GRM8: variants seen among roughly 807,000 people sequenced by gnomAD.
GRM8 encodes the protein glutamate metabotropic receptor 8.
Under a neutral mutation model 87.2 loss-of-function variants are expected in GRM8, and 47 were observed. The ratio of observed to expected loss-of-function variants is 0.54; its 90% confidence interval spans 0.43 to 0.69. The LOEUF (loss-of-function observed/expected upper bound fraction) is 0.69, where lower values mean the gene tolerates loss of function less well. GRM8 is among the 30% of genes least tolerant of loss of function. The probability of loss-of-function intolerance (pLI) is 0.00; values close to 1 mark genes in which losing one functional copy is unlikely to be tolerated. For synonymous variants in GRM8, 396 were observed against 404.5 expected, an observed-to-expected ratio of 0.98 and a Z score of 0.25; for missense variants, 1,019 against 1,139.2, an observed-to-expected ratio of 0.89 and a Z score of 1.52.
At chr7:126,667,965 C>G (rs1194795615) in intron 7 of GRM8, among the ~76,000 whole-genome samples, 1 of 152,186 alleles carries the variant, frequency 6.6e-6, no homozygotes, top group Non-Finnish European at 1.5e-5. Flanking sequence ...GAAGCAAAAA[C>G]CACACCCTGT....
intron 2 of GRM8, among the ~76,000 whole-genome samples, chr7:127,140,211 A>T (rs1828185166): frequency 6.6e-6 from 1 of 152,068 alleles, no homozygotes; most frequent in African/African-American, 2.4e-5. Flanking sequence ...AGACTGGTTA[A>T]TTCTTTGATG....
intron 7 of GRM8, among the ~76,000 whole-genome samples, chr7:126,612,677 G>T (rs1799039200): frequency 6.6e-6 from 1 of 152,112 alleles, no homozygotes; most frequent in South Asian, 2.1e-4. Context: ...CAAAACTATG[G>T]TCTTCTTAAG....
At chr7:127,160,112 A>G (rs1008652581) in intron 2 of GRM8, among the ~76,000 whole-genome samples, 2 of 152,270 alleles carry the variant, frequency 1.3e-5, no homozygotes, top group Non-Finnish European at 2.9e-5. Flanking sequence ...CTTTCAAGAA[A>G]ACACTAATCT....
rs546241742 is a variant in GRM8 at position 126,788,825 on chromosome 7, AG to A, written c.1157-18761del. ...AAACCTCAGAGACAGAAAAAAAAAAAGGTCCATTGTTTTGTCTTCAGCTGAT... is the reference window on the plus strand; with the variant it reads ...AAACCTCAGAGACAGAAAAAAAAAAAGTCCATTGTTTTGTCTTCAGCTGAT... On this transcript the variant is annotated intron_variant, in intron 6 of 10. Transcript: ENST00000339582. Among the ~76,000 whole-genome samples, 9 of 151,938 alleles carry A rather than the reference AG, an allele frequency of 5.9e-5. No homozygotes were observed. The South Asian group carries it at 1.0e-3, about 18-fold the overall frequency.
At chr7:126,455,436 T>C (rs1803120563) in intron 9 of GRM8, among the ~76,000 whole-genome samples, 2 of 151,404 alleles carry the variant, frequency 1.3e-5, no homozygotes, top group Admixed American at 1.3e-4. Flanking sequence ...TTGGGCCAAA[T>C]TTCTTCTAAA....
chr7:126,748,375 A>T (rs931784232), intron 7 of GRM8, among the ~76,000 whole-genome samples: 3 of 152,122 alleles, frequency 2.0e-5, no homozygotes, highest in African/African-American at 7.2e-5. Flanking sequence ...GTTATTTTTT[A>T]AATAATTGCA....
At chr7:127,201,832 A>T (rs1030174772) in intron 2 of GRM8, among the ~76,000 whole-genome samples, 12 of 152,240 alleles carry the variant, frequency 7.9e-5, no homozygotes, top group African/African-American at 2.9e-4. Flanking sequence ...GAAGGAAAAG[A>T]AGTTATCATA....
intron 3 of GRM8, among the ~76,000 whole-genome samples, chr7:126,928,933 G>T (rs1346491580): frequency 6.6e-6 from 1 of 152,164 alleles, no homozygotes; most frequent in East Asian, 1.9e-4. Flanking sequence ...CTGTATCAGA[G>T]AATCCTCTTG....
chr7:126,991,044 G>A (rs983398526), intron 3 of GRM8, among the ~76,000 whole-genome samples: 1 of 152,020 alleles, frequency 6.6e-6, no homozygotes, highest in African/African-American at 2.4e-5. Context: ...TAATTAGGTA[G>A]TACAAATATT....
chr7:126,823,029 T>C (rs1481314149), intron 6 of GRM8, among the ~76,000 whole-genome samples: 1 of 152,216 alleles, frequency 6.6e-6, no homozygotes, highest in African/African-American at 2.4e-5. Context: ...TTCTAAAATA[T>C]GATTTATTTT....
chr7:127,120,201 T>A (rs1419695955), intron 2 of GRM8, among the ~76,000 whole-genome samples: 1 of 152,230 alleles, frequency 6.6e-6, no homozygotes, highest in Non-Finnish European at 1.5e-5. Flanking sequence ...TATGCATGGC[T>A]TTGGTCTGCC....
At chr7:126,909,922 T>A (rs1271753388) in intron 3 of GRM8, among the ~76,000 whole-genome samples, 1 of 152,140 alleles carries the variant, frequency 6.6e-6, no homozygotes, top group African/African-American at 2.4e-5. Context: ...ATCTTACCCA[T>A]CCACAATTGA....
At chr7:126,458,574 G>T (rs983369480) in intron 9 of GRM8, among the ~76,000 whole-genome samples, 27 of 151,208 alleles carry the variant, frequency 1.8e-4, no homozygotes, top group Non-Finnish European at 3.0e-5. Flanking sequence ...ATAGAAATTT[G>T]ATTATACAAT....
intron 8 of GRM8, among the ~76,000 whole-genome samples, chr7:126,588,046 G>A (rs1019366191): frequency 5.3e-5 from 8 of 152,108 alleles, no homozygotes; most frequent in African/African-American, 1.9e-4. Flanking sequence ...TGGGTCAGCA[G>A]TCTCAAGGAC....
intron 7 of GRM8, among the ~76,000 whole-genome samples, chr7:126,723,511 A>T (rs918310161): frequency 3.9e-5 from 6 of 151,930 alleles, no homozygotes; most frequent in Non-Finnish European, 8.8e-5. Flanking sequence ...CAGAATCAGA[A>T]CAATGGCTCA....
At chr7:126,869,915 T>C (rs1291263947) in intron 6 of GRM8, 1 of 139,306 alleles carries the variant, frequency 7.2e-6, no homozygotes, top group Non-Finnish European at 1.5e-5. Context: ...AGCCAGGTAT[T>C]GACTTTTCCT....
chr7:126,723,550 C>T (rs1056492476), intron 7 of GRM8, among the ~76,000 whole-genome samples: 3 of 114,650 alleles, frequency 2.6e-5, no homozygotes, highest in African/African-American at 4.4e-5. Context: ...TGCTCAGAGG[C>T]GAACCAAAAA....
intron 3 of GRM8, chr7:127,095,951 A>AT (rs1423655918): frequency 6.6e-6 from 1 of 152,228 alleles, no homozygotes; most frequent in Admixed American, 6.5e-5. Flanking sequence ...CACTGAATTG[A>AT]TTCATTCTTA....
At chr7:126,732,297 A>C (rs1813694370) in intron 7 of GRM8, among the ~76,000 whole-genome samples, 1 of 152,160 alleles carries the variant, frequency 6.6e-6, no homozygotes, top group Non-Finnish European at 1.5e-5. Context: ...TAAAAGGCCC[A>C]TTAAGAAATT....
Sources: gnomAD v4.1 joint callset for allele counts (sites outside exome capture counted in the v4.1 genomes callset) on GRCh38, gnomAD v4.1.1 for gene constraint, MANE v1.5 for transcripts, NCBI Gene and HGNC (gene_info 2026-07-23, HGNC 2026-07-21) for gene names.